Variants in PLA2G4A observed in about 807,000 individuals in gnomAD.
The protein encoded by PLA2G4A is cytosolic phospholipase A2.
PLA2G4A carries 40 observed loss-of-function variants against 81.9 expected under a neutral mutation model. The observed-to-expected ratio is 0.49, with a 90% CI of 0.38 to 0.64. PLA2G4A has a LOEUF of 0.64. PLA2G4A is among the 30% of genes least tolerant of loss of function. PLA2G4A has a pLI of 0.00. For missense variants in PLA2G4A, 715 were observed against 905.1 expected (o/e 0.79, Z 2.69); for synonymous variants, 302 against 296.9 (o/e 1.02, Z -0.18).
intron 14 of PLA2G4A, among the ~76,000 whole-genome samples, chr1:186,957,733 G>C (rs1197508697): frequency 6.6e-6 from 1 of 152,228 alleles, no homozygotes; most frequent in Admixed American, 6.5e-5. Context: ...CACTTAGCCA[G>C]ATCCTCAAGA....
chr1:186,887,684 G>A (rs1445540236), intron 3 of PLA2G4A, among the ~76,000 whole-genome samples: 4 of 152,110 alleles, frequency 2.6e-5, no homozygotes, highest in Non-Finnish European at 5.9e-5. Flanking sequence ...AATTGACAAA[G>A]CCATGAAATA....
At chr1:186,969,219 A>T (rs1008575025) in intron 15 of PLA2G4A, among the ~76,000 whole-genome samples, 56 of 151,292 alleles carry the variant, frequency 3.7e-4, no homozygotes, top group Admixed American at 1.8e-3. Flanking sequence ...AATTTTAAAA[A>T]TTTTTTTCAC....
chr1:186,986,460 A>C (rs1462674197), intron 17 of PLA2G4A, among the ~76,000 whole-genome samples: 1 of 152,206 alleles, frequency 6.6e-6, no homozygotes. Context: ...AGATCTCTAG[A>C]AAGGCAGGGA....
chr1:186,948,016 A>G (rs1460122187), intron 12 of PLA2G4A, among the ~76,000 whole-genome samples: 1 of 152,192 alleles, frequency 6.6e-6, no homozygotes, highest in Admixed American at 6.6e-5. Flanking sequence ...TACAATTGTA[A>G]CATTAATTGG....
chr1:186,960,859 C>T (rs1336854080), intron 14 of PLA2G4A, among the ~76,000 whole-genome samples: 3 of 152,110 alleles, frequency 2.0e-5, no homozygotes, highest in South Asian at 2.1e-4. Flanking sequence ...ATAGGGAATG[C>T]GCAATGTAAT....
rs536551115 is a variant in PLA2G4A, at chr1:186,924,443, A to C, written c.559-8320A>C. ...CATTTTGAAACATTGTCTACTCTTC[A>C]CTTACTCCCTTTTCACGGTCTTTAT... On this transcript the variant is annotated intron_variant, in intron 7 of 17. Coordinates refer to ENST00000367466, the MANE Select transcript of PLA2G4A (RefSeq NM_024420.3). 8.8e-4 allele frequency among the ~76,000 whole-genome samples: 134 copies of C among 152,134 alleles called. 1 individual carries two copies. The highest frequency in any genetic ancestry group is 1.4e-3 in the Non-Finnish European group (96 of 67,978).
rs763978301 is a variant in PLA2G4A, at chr1:186,939,075, CTAA to C, written c.765_767del (p.Met256del). ...AGGGCCAGAGGAGATTAATGAAGAA[CTAA>C]TGAAAAATGTTAGCCACAATCCCCT... On this transcript the variant is annotated inframe_deletion, in exon 9 of 18. Transcript: ENST00000367466. 9.3e-6 allele frequency: 15 copies of C among 1,611,304 alleles called. No homozygotes were observed. The highest frequency in any genetic ancestry group is 1.3e-5 in the African/African-American group (1 of 74,954).
At chr1:186,947,054 A>G in intron 12 of PLA2G4A, 93 bp downstream of exon 12, 1 of 741,480 alleles carries the variant, frequency 1.3e-6, no homozygotes, top group Non-Finnish European at 2.4e-6. Context: ...CTTTGTAAAT[A>G]TTTCAACTAT....
chr1:186,966,735 G>GT (rs1439295658), intron 15 of PLA2G4A, among the ~76,000 whole-genome samples: 1 of 152,130 alleles, frequency 6.6e-6, no homozygotes, highest in Non-Finnish European at 1.5e-5. Flanking sequence ...CAGCTCAAGT[G>GT]TTATCTTTCT....
At chr1:186,924,365 T>C (rs1018420525) in intron 7 of PLA2G4A, among the ~76,000 whole-genome samples, 10 of 152,346 alleles carry the variant, frequency 6.6e-5, no homozygotes, top group South Asian at 2.1e-4. Context: ...CAGGATCTTG[T>C]TCTTGCCCTA....
intron 15 of PLA2G4A, among the ~76,000 whole-genome samples, chr1:186,969,831 T>A (rs1429008353): frequency 6.6e-6 from 1 of 152,040 alleles, no homozygotes; most frequent in Non-Finnish European, 1.5e-5. Flanking sequence ...TTACATTGAT[T>A]CCATATTTTG....
chr1:186,929,809 C>T (rs1012196518), intron 7 of PLA2G4A, among the ~76,000 whole-genome samples: 2 of 152,174 alleles, frequency 1.3e-5, no homozygotes, highest in East Asian at 1.9e-4. Flanking sequence ...TGCTTATAAT[C>T]CCAGCAAGTT....
chr1:186,902,271 A>G (rs1327417290), intron 5 of PLA2G4A, among the ~76,000 whole-genome samples: 1 of 152,190 alleles, frequency 6.6e-6, no homozygotes, highest in African/African-American at 2.4e-5. Flanking sequence ...TTAAAACATC[A>G]CTATGCAGTA....
At chr1:186,949,284 AGAAAAAGAAG>A (rs1469232693) in intron 12 of PLA2G4A, among the ~76,000 whole-genome samples, 7 of 151,728 alleles carry the variant, frequency 4.6e-5, no homozygotes, top group Non-Finnish European at 1.5e-5. Context: ...GAAAGAAAGA[AGAAAAAGAAG>A]GAAAAAGAAA....
intron 15 of PLA2G4A, 146 bp from the exon 16 acceptor site, chr1:186,977,447 T>G (rs1657571971): frequency 3.2e-6 from 2 of 628,824 alleles, no homozygotes; most frequent in African/African-American, 3.7e-5. Context: ...TTAATGAACT[T>G]CCTGAGAACA....
chr1:186,946,979 T>TTACATTGATACAAATCTTGC lies in PLA2G4A; in HGVS notation c.1264+29_1264+48dup, dbSNP rs780656209. The TTACATTGATACAAATCTTGC allele has an allele frequency of 1.5e-6, 2 of 1,307,288 alleles. No homozygotes were observed. The highest frequency in any genetic ancestry group is 2.2e-6 in the Non-Finnish European group (2 of 900,106). 81.0% of individuals were successfully genotyped at this position (1,307,288 alleles called of 1,614,324 possible). A position where few individuals can be genotyped will look rare whatever the true frequency, so the allele number is the denominator to read the frequency against. On this transcript the variant is annotated intron_variant, in intron 12 of 17. Transcript: ENST00000367466. ...AGAATTAGGTATCCTAAAGATATGC[T>TTACATTGATACAAATCTTGC]TACATTGATACAAATCTTGCTACAT...
intron 8 of PLA2G4A, among the ~76,000 whole-genome samples, chr1:186,933,647 G>A (rs1655830723): frequency 6.6e-6 from 1 of 152,032 alleles, no homozygotes; most frequent in African/African-American, 2.4e-5. Flanking sequence ...GGACTTACAA[G>A]GCCTTTTTAG....
chr1:186,956,317 G>T lies in PLA2G4A; in HGVS notation c.1552G>T (p.Asp518Tyr), dbSNP rs1656751437. ...SDFATQDSFDDDELDAAVADP... is the reference protein window; with the variant it reads ...SDFATQDSFDYDELDAAVADP... ...CTTTGCCACACAGGACTCCTTTGAT[G>T]ATGATGAACTGGATGCAGCTGTAGC... is the stretch of plus-strand genomic sequence containing the variant. Residue 518 changes from aspartate (D) to tyrosine (Y), a missense_variant, in exon 14 of 18, where the codon GAT becomes TAT. Transcript: ENST00000367466. 1 of 1,613,840 alleles carries T rather than the reference G, an allele frequency of 6.2e-7. No homozygotes were observed.
At position 186,907,021 on chromosome 1, in the gene PLA2G4A, T is replaced by C. The variant is rs1654761674; in HGVS notation, c.416+19T>C. On this transcript the variant is annotated intron_variant, in intron 6 of 17. Transcript: ENST00000367466. ...AAGTTTGGTAAGTGCATTTATTTAGTTGGATGAGAAATATTGTGAGTGATC... is the reference window on the plus strand; with the variant it reads ...AAGTTTGGTAAGTGCATTTATTTAGCTGGATGAGAAATATTGTGAGTGATC... The C allele has an allele frequency of 1.5e-6, 2 of 1,342,778 alleles. No individual in the cohort carries two copies. The highest frequency in any genetic ancestry group is 1.7e-5 in the Admixed American group (1 of 59,592). 83.2% of individuals were successfully genotyped at this position (1,342,778 alleles called of 1,614,324 possible).
Sources: allele counts gnomAD v4.1 joint callset (sites outside exome capture counted in the v4.1 genomes callset), GRCh38; gene constraint gnomAD v4.1.1; transcripts MANE v1.5; gene names NCBI Gene and HGNC (gene_info 2026-07-23, HGNC 2026-07-21).